Variants in AGTPBP1 observed in about 807,000 individuals in gnomAD.
AGTPBP1 encodes cytosolic carboxypeptidase 1.
Under a neutral mutation model 143.9 loss-of-function variants are expected in AGTPBP1, and 70 were observed. That is an observed-to-expected ratio of 0.49 (90% confidence interval 0.40 to 0.59). The LOEUF is 0.59. AGTPBP1 is among the 20% of genes least tolerant of loss of function. The pLI, the probability that AGTPBP1 is intolerant of heterozygous loss-of-function variation, is 0.00. For synonymous variants in AGTPBP1, 463 were observed against 500.2 expected (o/e 0.93, Z 0.99); for missense variants, 1,229 against 1,464.5 (o/e 0.84, Z 2.62).
At chr9:85,787,731 T>A in the AGTPBP1 span, among the ~76,000 whole-genome samples, 1 of 152,240 alleles carries the variant, frequency 6.6e-6, no homozygotes, top group Non-Finnish European at 1.5e-5. Context: ...TCTTTGTTAC[T>A]TTTCCAAAAC....
At chr9:85,671,025 T>A (rs2134065374) in intron 7 of AGTPBP1, among the ~76,000 whole-genome samples, 1 of 152,252 alleles carries the variant, frequency 6.6e-6, no homozygotes, top group East Asian at 1.9e-4. Flanking sequence ...CACTGCAGCC[T>A]TAACCTCCTG....
In AGTPBP1 at chr9:85,633,385, A is replaced by G; in HGVS notation, c.1303-11T>C. 5 of 1,504,922 alleles carry G rather than the reference A, an allele frequency of 3.3e-6. No homozygotes were observed. The highest frequency in any genetic ancestry group is 3.6e-6 in the Non-Finnish European group (4 of 1,123,108). The allele number at this position is 1,504,922 out of a possible 1,614,324, so 93.2% of individuals were successfully genotyped here. On this transcript the variant is annotated splice_polypyrimidine_tract_variant and intron_variant, in intron 13 of 25. Transcript: ENST00000357081. ...GATTAAATCATAGTCCTTTGAAAAT[A>G]AAAACATGTTTAATCTTTTAACTGT...
At chr9:85,599,311 C>T (rs569642525) in intron 17 of AGTPBP1, among the ~76,000 whole-genome samples, 2 of 152,256 alleles carry the variant, frequency 1.3e-5, no homozygotes, top group South Asian at 2.1e-4. Flanking sequence ...TTGGTGATGA[C>T]GGATATACAT....
intron 2 of AGTPBP1, among the ~76,000 whole-genome samples, chr9:85,694,511 T>C (rs927295576): frequency 6.6e-5 from 10 of 152,170 alleles, no homozygotes; most frequent in Non-Finnish European, 1.5e-4. Context: ...AACCCCAACA[T>C]ATTCACATCT....
At chr9:85,548,579 T>C (rs1825853149) in intron 25 of AGTPBP1, among the ~76,000 whole-genome samples, 1 of 152,214 alleles carries the variant, frequency 6.6e-6, no homozygotes, top group South Asian at 2.1e-4. Flanking sequence ...TTCACAGTTT[T>C]TAATTTGCAA....
At chr9:85,704,487 G>A (rs1253701613) in intron 2 of AGTPBP1, among the ~76,000 whole-genome samples, 1 of 152,174 alleles carries the variant, frequency 6.6e-6, no homozygotes. Context: ...ATGATTAGCA[G>A]AACACTGGAT....
upstream of AGTPBP1, among the ~76,000 whole-genome samples, chr9:85,742,193 A>G (rs1215395838): frequency 6.6e-6 from 1 of 151,958 alleles, no homozygotes; most frequent in African/African-American, 2.4e-5. Context: ...GGGAGCGGGA[A>G]TTAGGGGCGG....
intron 12 of AGTPBP1, 29 bp from the exon 13 acceptor site, chr9:85,642,972 G>T: frequency 1.3e-6 from 2 of 1,505,576 alleles, no homozygotes; most frequent in African/African-American, 1.4e-5. Flanking sequence ...TATGTTATCA[G>T]GTAAAACAAA....
the AGTPBP1 span, among the ~76,000 whole-genome samples, chr9:85,785,514 C>A: frequency 6.6e-6 from 1 of 152,214 alleles, no homozygotes; most frequent in East Asian, 1.9e-4. Context: ...TAGCTTTGAT[C>A]TCTTCACTCT....
chr9:85,723,459 TAGCTGTGAGCA>T (rs1031341987), intron 1 of AGTPBP1, among the ~76,000 whole-genome samples: 5 of 152,330 alleles, frequency 3.3e-5, no homozygotes, highest in African/African-American at 1.2e-4. Flanking sequence ...ACTGCTGCAC[TAGCTGTGAGCA>T]AGCCTCCATG....
intron 1 of AGTPBP1, among the ~76,000 whole-genome samples, chr9:85,723,624 G>T (rs1838276631): frequency 6.6e-6 from 1 of 152,180 alleles, no homozygotes; most frequent in Non-Finnish European, 1.5e-5. Flanking sequence ...CTAAGAAAGG[G>T]AAATCCCCTG....
At chr9:85,671,324 C>T (rs976729946) in intron 7 of AGTPBP1, among the ~76,000 whole-genome samples, 3 of 151,942 alleles carry the variant, frequency 2.0e-5, no homozygotes, top group African/African-American at 7.3e-5. Context: ...TTTCCTTTTA[C>T]CTTTACTATT....
At chr9:85,799,330 C>A in the AGTPBP1 span, among the ~76,000 whole-genome samples, 1 of 152,108 alleles carries the variant, frequency 6.6e-6, no homozygotes, top group African/African-American at 2.4e-5. Flanking sequence ...ATTTACAATT[C>A]TTTGGGTATA....
chr9:85,770,102 T>A, the AGTPBP1 span, among the ~76,000 whole-genome samples: 3 of 151,994 alleles, frequency 2.0e-5, no homozygotes, highest in Admixed American at 6.6e-5. Context: ...TGTGTATGTA[T>A]ACACACATGT....
intron 20 of AGTPBP1, 114 bp downstream of exon 20, chr9:85,589,414 G>A: frequency 7.4e-7 from 1 of 1,360,488 alleles, no homozygotes; most frequent in East Asian, 2.4e-5. Context: ...GCCAAGACTA[G>A]AGCCCAAGTC....
chr9:85,546,906 T>A lies in AGTPBP1; in HGVS notation c.*203A>T, dbSNP rs1384145717. 3 of 449,540 alleles carry A rather than the reference T, an allele frequency of 6.7e-6. No individual in the cohort carries two copies. The highest frequency in any genetic ancestry group is 1.2e-5 in the Non-Finnish European group (3 of 260,170). The allele number at this position is 449,540 out of a possible 1,614,324, so 27.8% of individuals were successfully genotyped here. A position where few individuals can be genotyped will look rare whatever the true frequency, so the allele number is the denominator to read the frequency against. The stretch of plus-strand genomic sequence containing the variant: ...TTTGATCATTCAATGCTACATAAAG[T>A]GCATTGAATATCGAAAATAAAACAA... On this transcript the variant is annotated 3_prime_UTR_variant, in exon 26 of 26. Transcript: ENST00000357081.
Position 85,573,249 on chromosome 9 carries a change from A to G in AGTPBP1, c.3503+2066T>C, listed in dbSNP as rs887217733. 9.4e-5 allele frequency among the ~76,000 whole-genome samples: 14 copies of G among 149,250 alleles called. 1 individual carries two copies. In the South Asian group the frequency reaches 1.7e-3, roughly 18 times the overall value. On this transcript the variant is annotated intron_variant, in intron 25 of 25. Coordinates refer to ENST00000357081, the MANE Select transcript of AGTPBP1 (RefSeq NM_001330701.2). ...CTGCCGAGTGCCTGCCATTGCAGGC[A>G]CGCGCCACCACGCCTGACTGGTTTT...
At chr9:85,686,310 T>C (rs1425217330) in intron 3 of AGTPBP1, among the ~76,000 whole-genome samples, 1 of 152,058 alleles carries the variant, frequency 6.6e-6, no homozygotes, top group African/African-American at 2.4e-5. Context: ...TGAAGGGTTA[T>C]ACTAATATCA....
At chr9:85,794,725 C>G in the AGTPBP1 span, among the ~76,000 whole-genome samples, 4 of 152,106 alleles carry the variant, frequency 2.6e-5, no homozygotes, top group African/African-American at 9.7e-5. Flanking sequence ...ATCTGTAGAT[C>G]AATTTGGGGA....
Sources: allele counts gnomAD v4.1 joint callset (sites outside exome capture counted in the v4.1 genomes callset), GRCh38; gene constraint gnomAD v4.1.1; transcripts MANE v1.5; gene names NCBI Gene and HGNC (gene_info 2026-07-23, HGNC 2026-07-21).